The following PIP5K1A variants were observed in gnomAD, a reference collection of about 807,000 sequenced individuals.
PIP5K1A encodes the protein phosphatidylinositol 4-phosphate 5-kinase type-1 alpha.
A neutral mutation model predicts 72.9 loss-of-function variants in PIP5K1A; 46 were observed. The observed-to-expected ratio is 0.63, with a 90% confidence interval of 0.50 to 0.81. The LOEUF (loss-of-function observed/expected upper bound fraction) is 0.81. PIP5K1A is among the 30% of genes least tolerant of loss of function. The probability of loss-of-function intolerance (pLI) is 0.00; values close to 1 mark genes in which losing one functional copy is unlikely to be tolerated. For missense variants in PIP5K1A, 458 were observed against 706.1 expected (o/e 0.65, Z 3.98); for synonymous variants, 228 against 255.1 (o/e 0.89, Z 1.01).
At chr1:151,238,114 C>A in intron 9 of PIP5K1A, 68 bp from the exon 10 acceptor site, 1 of 940,468 alleles carries the variant, frequency 1.1e-6, no homozygotes, top group Non-Finnish European at 1.7e-6. Context: ...GTAGGTTTCA[C>A]TTCCCCATCC....
intron 9 of PIP5K1A, among the ~76,000 whole-genome samples, chr1:151,237,958 G>A (rs867805160): frequency 2.6e-5 from 4 of 152,244 alleles, no homozygotes; most frequent in East Asian, 1.9e-4. Context: ...GAGAAAACTA[G>A]ATTATAATAC....
intron 1 of PIP5K1A, among the ~76,000 whole-genome samples, chr1:151,220,838 C>T (rs1331971248): frequency 2.0e-5 from 3 of 152,156 alleles, no homozygotes; most frequent in Non-Finnish European, 2.9e-5. Flanking sequence ...ACCTCTACCT[C>T]CCTGGAATAT....
chr1:151,230,746 G>A (rs761926529), intron 4 of PIP5K1A, among the ~76,000 whole-genome samples: 1 of 152,132 alleles, frequency 6.6e-6, no homozygotes, highest in Admixed American at 6.6e-5. Flanking sequence ...CACCACATTG[G>A]CCAGGCTGGT....
chr1:151,229,727 A>G (rs1473992184), intron 4 of PIP5K1A, among the ~76,000 whole-genome samples: 1 of 91,926 alleles, frequency 1.1e-5, no homozygotes, highest in Non-Finnish European at 2.6e-5. Context: ...CTGGGGAGGC[A>G]GGTACTTAAA....
chr1:151,213,950 A>G (rs1158074979), intron 1 of PIP5K1A, among the ~76,000 whole-genome samples: 1 of 152,188 alleles, frequency 6.6e-6, no homozygotes, highest in Non-Finnish European at 1.5e-5. Flanking sequence ...CTATCAGGAA[A>G]TGGTCATCTT....
intron 1 of PIP5K1A, among the ~76,000 whole-genome samples, chr1:151,211,608 A>G (rs587718235): frequency 6.6e-6 from 1 of 151,620 alleles, no homozygotes; most frequent in East Asian, 1.9e-4. Context: ...CATCCTGGCT[A>G]ACATGGTGAA....
At chr1:151,224,628 A>G (rs770040082) in intron 3 of PIP5K1A, among the ~76,000 whole-genome samples, 7 of 152,216 alleles carry the variant, frequency 4.6e-5, no homozygotes, top group African/African-American at 1.2e-4. Context: ...TGAGGATTGC[A>G]TAGTTACTAA....
intron 4 of PIP5K1A, among the ~76,000 whole-genome samples, chr1:151,229,645 G>T (rs891521361): frequency 2.6e-5 from 4 of 151,090 alleles, no homozygotes; most frequent in African/African-American, 9.7e-5. Flanking sequence ...ACAGGCATGA[G>T]CCACAGCACC....
At chr1:151,213,733 ATG>A (rs1687189520) in intron 1 of PIP5K1A, among the ~76,000 whole-genome samples, 1 of 152,026 alleles carries the variant, frequency 6.6e-6, no homozygotes. Context: ...GCTTGAGTTA[ATG>A]TGTGTGTGGG....
chr1:151,243,983 C>T (rs1430787194), intron 14 of PIP5K1A, among the ~76,000 whole-genome samples: 4 of 152,026 alleles, frequency 2.6e-5, no homozygotes, highest in Non-Finnish European at 4.4e-5. Context: ...TCCGTATCCA[C>T]AGGTTCCACA....
chr1:151,203,167 T>A (rs1313364444), intron 1 of PIP5K1A, among the ~76,000 whole-genome samples: 1 of 152,156 alleles, frequency 6.6e-6, no homozygotes, highest in Non-Finnish European at 1.5e-5. Flanking sequence ...AGGGATAGGA[T>A]ACTAAGGTGT....
chr1:151,248,033 C>G lies in PIP5K1A; in HGVS notation c.*168C>G. 1.5e-6 allele frequency: 1 copy of G among 656,054 alleles called. No homozygotes were observed. The highest frequency in any genetic ancestry group is 2.7e-6 in the Non-Finnish European group (1 of 367,028). The allele number at this position is 656,054 out of a possible 1,614,324, so 40.6% of individuals were successfully genotyped here. A position where few individuals can be genotyped will look rare whatever the true frequency, so the allele number is the denominator to read the frequency against. On this transcript the variant is annotated 3_prime_UTR_variant, in exon 16 of 16. Transcript: ENST00000368888. ...CATCTTCTTCCTGAAGAAGAACCTTCTCTCCTTCCTCTTCCTCATGAATGG... is the reference window on the plus strand; with the variant it reads ...CATCTTCTTCCTGAAGAAGAACCTTGTCTCCTTCCTCTTCCTCATGAATGG...
intron 14 of PIP5K1A, among the ~76,000 whole-genome samples, chr1:151,244,698 TGA>T (rs1284157009): frequency 6.6e-6 from 1 of 152,056 alleles, no homozygotes; most frequent in Non-Finnish European, 1.5e-5. Context: ...AGGATGTGTG[TGA>T]GTTATATGCA....
chr1:151,213,622 A>G (rs1687169837), intron 1 of PIP5K1A: 1 of 152,158 alleles, frequency 6.6e-6, no homozygotes, highest in Non-Finnish European at 1.5e-5. Flanking sequence ...TAAGACTTAT[A>G]CTTATTTTTA....
At chr1:151,242,045 T>C (rs1213685150) in intron 12 of PIP5K1A, 78 bp from the exon 13 acceptor site, 1 of 1,463,774 alleles carries the variant, frequency 6.8e-7, no homozygotes, top group Non-Finnish European at 9.5e-7. Flanking sequence ...TTGGGGATAC[T>C]AGCAATTATT....
intron 1 of PIP5K1A, among the ~76,000 whole-genome samples, chr1:151,204,484 G>GT: frequency 6.6e-6 from 1 of 152,146 alleles, no homozygotes; most frequent in Non-Finnish European, 1.5e-5. Flanking sequence ...GCCTGTGGAT[G>GT]TTTTTTTGAT....
At position 151,238,552 on chromosome 1, in the gene PIP5K1A, T is replaced by A. The variant is rs587763966; in HGVS notation, c.1229+287T>A. The A allele has an allele frequency of 8.0e-5, 30 of 377,000 alleles. No homozygotes were observed. The South Asian group carries it at 8.2e-4, about 10-fold the overall frequency. The allele number at this position is 377,000 out of a possible 1,614,324, so 23.4% of individuals were successfully genotyped here. A position where few individuals can be genotyped will look rare whatever the true frequency, so the allele number is the denominator to read the frequency against. ...GGGTAGAATATGCCATCTGTCTGGCTCTTTGCAAAAACCTATGAGATGAGT... is the reference window on the plus strand; with the variant it reads ...GGGTAGAATATGCCATCTGTCTGGCACTTTGCAAAAACCTATGAGATGAGT... On this transcript the variant is annotated intron_variant, in intron 10 of 15. Coordinates refer to ENST00000368888, the MANE Select transcript of PIP5K1A (RefSeq NM_001135638.2).
rs1020724264 is a variant in PIP5K1A at position 151,249,176 on chromosome 1, G to T, written c.*1311G>T. 2.0e-5 allele frequency: 3 copies of T among 152,092 alleles called. No homozygotes were observed. Among genetic ancestry groups the T allele is most frequent in the African/African-American group, 7.2e-5 (3 of 41,418 alleles). 9.4% of individuals were successfully genotyped at this position (152,092 alleles called of 1,614,324 possible). ...TTCTATCCCTTCTCTATCCCACCCT[G>T]CCTTGATAATATGTTAGCCCATACC... On this transcript the variant is annotated 3_prime_UTR_variant, in exon 16 of 16. Transcript: ENST00000368888.
chr1:151,244,729 A>G (rs376815363), intron 14 of PIP5K1A, among the ~76,000 whole-genome samples: 1 of 152,192 alleles, frequency 6.6e-6, no homozygotes, highest in East Asian at 1.9e-4. Context: ...AGCATTGTAT[A>G]TAAGGGACTT....
Sources: allele counts gnomAD v4.1 joint callset (sites outside exome capture counted in the v4.1 genomes callset), GRCh38; gene constraint gnomAD v4.1.1; transcripts MANE v1.5; gene names NCBI Gene and HGNC (gene_info 2026-07-23, HGNC 2026-07-21).